Variants in LHFPL3 observed in about 807,000 individuals in gnomAD.
The protein encoded by LHFPL3 is LHFPL tetraspan subfamily member 3, also known as LHFPL tetraspan subfamily member 3 protein.
LHFPL3 carries 5 observed loss-of-function variants against 19.3 expected under a neutral mutation model. That is an observed-to-expected ratio of 0.26 (90% CI 0.14 to 0.54). The LOEUF (loss-of-function observed/expected upper bound fraction) is 0.54. LHFPL3 is among the 20% of genes least tolerant of loss of function. The probability of loss-of-function intolerance (pLI) is 0.94; values close to 1 mark genes in which losing one functional copy is unlikely to be tolerated. For missense variants in LHFPL3, 249 were observed against 307.4 expected, an observed-to-expected ratio of 0.81 and a Z score of 1.42; for synonymous variants, 133 against 126.2, an observed-to-expected ratio of 1.05 and a Z score of -0.36.
At chr7:104,591,724 C>G (rs986496915) in intron 1 of LHFPL3, among the ~76,000 whole-genome samples, 1 of 152,150 alleles carries the variant, frequency 6.6e-6, no homozygotes, top group Non-Finnish European at 1.5e-5. Flanking sequence ...CAAGTTGGTT[C>G]CATTCTCCCC....
At chr7:104,662,047 G>C (rs1792232237) in intron 1 of LHFPL3, among the ~76,000 whole-genome samples, 1 of 152,212 alleles carries the variant, frequency 6.6e-6, no homozygotes, top group African/African-American at 2.4e-5. Flanking sequence ...CCCAATCCAG[G>C]TGGGATGGCC....
chr7:104,331,642 G>T (rs1282619144), intron 1 of LHFPL3, among the ~76,000 whole-genome samples: 1 of 152,056 alleles, frequency 6.6e-6, no homozygotes, highest in African/African-American at 2.4e-5. Flanking sequence ...ATAAACTATT[G>T]TAAGTTACTT....
intron 1 of LHFPL3, among the ~76,000 whole-genome samples, chr7:104,640,175 A>C (rs1000858137): frequency 2.0e-5 from 3 of 152,176 alleles, no homozygotes; most frequent in African/African-American, 7.2e-5. Context: ...TTACATAGTT[A>C]TACATGTGCC....
intron 1 of LHFPL3, among the ~76,000 whole-genome samples, chr7:104,536,196 T>A (rs569657579): frequency 1.6e-3 from 240 of 152,336 alleles, no homozygotes; most frequent in Non-Finnish European, 2.6e-3. Context: ...ATAGTACATG[T>A]CTTAAAGGTT....
chr7:104,360,949 G>A (rs1193078521), intron 1 of LHFPL3, among the ~76,000 whole-genome samples: 1 of 152,144 alleles, frequency 6.6e-6, no homozygotes. Flanking sequence ...CAAAAGCGGA[G>A]CTAAGAATGA....
At chr7:104,751,011 T>C (rs1794158681) in intron 2 of LHFPL3, among the ~76,000 whole-genome samples, 1 of 151,684 alleles carries the variant, frequency 6.6e-6, no homozygotes. Flanking sequence ...TGGGCAATTC[T>C]TTTTTAAGTG....
In LHFPL3 at chr7:104,714,891, T is replaced by C. The variant is rs75967562; in HGVS notation, c.446-21784T>C. 1.3e-3 allele frequency among the ~76,000 whole-genome samples: 200 copies of C among 152,294 alleles called. 3 individuals are homozygous for C. The East Asian group carries it at 0.03, about 23-fold the overall frequency. On this transcript the variant is annotated intron_variant, in intron 1 of 2. Transcript: ENST00000424859. ...GGATGCGTTTGTGTGTGTGTGCGCATGCACACATGTGTACATGCTCACTCT... is the reference window on the plus strand; with the variant it reads ...GGATGCGTTTGTGTGTGTGTGCGCACGCACACATGTGTACATGCTCACTCT...
intron 1 of LHFPL3, among the ~76,000 whole-genome samples, chr7:104,456,475 G>A (rs143276222): frequency 9.7e-4 from 148 of 152,314 alleles, no homozygotes; most frequent in African/African-American, 3.3e-3. Flanking sequence ...TGAAACCTCA[G>A]ATAGTACCAA....
At chr7:104,628,979 TG>T (rs886795256) in intron 1 of LHFPL3, among the ~76,000 whole-genome samples, 8 of 152,358 alleles carry the variant, frequency 5.3e-5, no homozygotes, top group African/African-American at 1.9e-4. Flanking sequence ...TAAAATGCCT[TG>T]GAAAAATTAT....
intron 1 of LHFPL3, among the ~76,000 whole-genome samples, chr7:104,424,062 G>GT (rs1791789179): frequency 6.6e-6 from 1 of 152,050 alleles, no homozygotes. Context: ...TTTTAAAATC[G>GT]TATCACTCGA....
chr7:104,497,309 G>GAAAAAAAAAAAAAAAAAAAAAAAAAA (rs34908934), intron 1 of LHFPL3, among the ~76,000 whole-genome samples: 1 of 96,694 alleles, frequency 1.0e-5, no homozygotes, highest in African/African-American at 3.3e-5. Context: ...TTGAGAAAAG[G>GAAAAAAAAAAAAAAAAAAAAAAAAAA]AAAAAAAAAA....
intron 2 of LHFPL3, among the ~76,000 whole-genome samples, chr7:104,901,373 T>A (rs192400879): frequency 6.6e-6 from 1 of 152,246 alleles, no homozygotes; most frequent in African/African-American, 2.4e-5. Flanking sequence ...AACTTCTGCA[T>A]GCCCTGGGGT....
intron 1 of LHFPL3, among the ~76,000 whole-genome samples, chr7:104,686,759 G>A (rs935050007): frequency 2.0e-5 from 3 of 152,218 alleles, no homozygotes; most frequent in Non-Finnish European, 4.4e-5. Context: ...AGAAATACCT[G>A]AGACTGGGTA....
chr7:104,406,425 T>C (rs773456252), intron 1 of LHFPL3, among the ~76,000 whole-genome samples: 87 of 152,120 alleles, frequency 5.7e-4, no homozygotes, highest in Non-Finnish European at 1.0e-3. Context: ...ATATGTATTG[T>C]CTATCCACTA....
intron 2 of LHFPL3, among the ~76,000 whole-genome samples, chr7:104,904,368 C>T (rs1319525516): frequency 2.6e-5 from 4 of 152,244 alleles, no homozygotes; most frequent in East Asian, 1.9e-4. Flanking sequence ...CGCAAAACCT[C>T]GGCTGGGCAC....
At chr7:104,446,645 G>T (rs1033330802) in intron 1 of LHFPL3, among the ~76,000 whole-genome samples, 3 of 151,990 alleles carry the variant, frequency 2.0e-5, no homozygotes, top group Non-Finnish European at 4.4e-5. Flanking sequence ...GCATGACCTT[G>T]GCTCACTGCA....
At chr7:104,331,986 C>G (rs1386225391) in intron 1 of LHFPL3, among the ~76,000 whole-genome samples, 1 of 151,650 alleles carries the variant, frequency 6.6e-6, no homozygotes, top group African/African-American at 2.4e-5. Flanking sequence ...AGACTTTAGA[C>G]TATTCCTCTT....
chr7:104,645,730 G>A (rs1791921817), intron 1 of LHFPL3, among the ~76,000 whole-genome samples: 1 of 119,784 alleles, frequency 8.3e-6, no homozygotes, highest in African/African-American at 3.2e-5. Context: ...GCGTGATCTT[G>A]GCTCACTGCA....
At chr7:104,593,243 T>C (rs1444414366) in intron 1 of LHFPL3, among the ~76,000 whole-genome samples, 1 of 152,208 alleles carries the variant, frequency 6.6e-6, no homozygotes, top group Non-Finnish European at 1.5e-5. Context: ...GTTGTGTCTT[T>C]GTTCTCGTTG....
Sources: allele counts gnomAD v4.1 joint callset (sites outside exome capture counted in the v4.1 genomes callset), GRCh38; gene constraint gnomAD v4.1.1; transcripts MANE v1.5; gene names NCBI Gene and HGNC (gene_info 2026-07-23, HGNC 2026-07-21).